The following INPP4B variants were observed in gnomAD, a reference collection of about 807,000 sequenced individuals.
INPP4B encodes the protein inositol polyphosphate-4-phosphatase type II B, also known as inositol polyphosphate 4-phosphatase type II.
Under a neutral mutation model 122.5 loss-of-function variants are expected in INPP4B, and 55 were observed. That is an observed-to-expected ratio of 0.45 (90% CI 0.36 to 0.56). The LOEUF (loss-of-function observed/expected upper bound fraction) is 0.56, where lower values mean the gene tolerates loss of function less well. INPP4B is among the 20% of genes least tolerant of loss of function. INPP4B has a pLI of 0.00. For missense variants in INPP4B, 1,000 were observed against 1,097.7 expected (o/e 0.91, Z 1.26); for synonymous variants, 403 against 388.7 (o/e 1.04, Z -0.43).
intron 21 of INPP4B, among the ~76,000 whole-genome samples, chr4:142,119,804 C>T (rs761267046): frequency 0.38 from 18,869 of 50,264 alleles, 1,370 homozygotes; most frequent in East Asian, 0.56. Flanking sequence ...TATACACACA[C>T]ACACACACAC....
intron 23 of INPP4B, among the ~76,000 whole-genome samples, chr4:142,105,454 C>A (rs1193869805): frequency 6.6e-6 from 1 of 151,956 alleles, no homozygotes; most frequent in African/African-American, 2.4e-5. Flanking sequence ...AAAATTGCTA[C>A]AAATATAACA....
At chr4:142,724,744 A>G (rs573770361) in intron 2 of INPP4B, among the ~76,000 whole-genome samples, 21 of 152,266 alleles carry the variant, frequency 1.4e-4, no homozygotes, top group Admixed American at 6.5e-5. Context: ...AGCCAGAAAT[A>G]TGTAGAAATA....
intron 21 of INPP4B, among the ~76,000 whole-genome samples, chr4:142,116,748 A>T: frequency 6.6e-6 from 1 of 152,302 alleles, no homozygotes; most frequent in East Asian, 1.9e-4. Context: ...CACAATTAAA[A>T]GAACTTGAGA....
intron 23 of INPP4B, among the ~76,000 whole-genome samples, chr4:142,099,184 T>C (rs1232903752): frequency 6.6e-6 from 1 of 152,018 alleles, no homozygotes; most frequent in African/African-American, 2.4e-5. Flanking sequence ...GGTGAAAAAA[T>C]GGGTGGTGAA....
chr4:142,750,054 T>C (rs1769436634), intron 1 of INPP4B, among the ~76,000 whole-genome samples: 1 of 152,152 alleles, frequency 6.6e-6, no homozygotes, highest in African/African-American at 2.4e-5. Flanking sequence ...AAAGTATTTT[T>C]CATCCCATCT....
At chr4:142,380,888 C>T (rs980656002) in intron 7 of INPP4B, among the ~76,000 whole-genome samples, 2 of 151,990 alleles carry the variant, frequency 1.3e-5, no homozygotes, top group African/African-American at 4.8e-5. Context: ...CCCAATCATG[C>T]AATATTTTGT....
intron 9 of INPP4B, among the ~76,000 whole-genome samples, chr4:142,297,114 C>T (rs1759075658): frequency 6.6e-6 from 1 of 152,174 alleles, no homozygotes; most frequent in African/African-American, 2.4e-5. Flanking sequence ...TGATTTCAAC[C>T]TTTTATTGCT....
chr4:142,638,538 T>A (rs1749657948), intron 2 of INPP4B, among the ~76,000 whole-genome samples: 1 of 133,750 alleles, frequency 7.5e-6, no homozygotes, highest in South Asian at 2.5e-4. Flanking sequence ...ATTTTAGTTG[T>A]CTATTCTCTT....
intron 25 of INPP4B, chr4:142,029,738 T>A (rs1259646328): frequency 1.0e-5 from 10 of 991,968 alleles, no homozygotes; most frequent in Non-Finnish European, 3.6e-6. Flanking sequence ...GTCTGCAACC[T>A]CCCACATCTC....
chr4:142,464,282 T>C (rs1182082265), intron 2 of INPP4B, among the ~76,000 whole-genome samples: 1 of 152,154 alleles, frequency 6.6e-6, no homozygotes. Context: ...TCAGTTACTA[T>C]CTTTTATAAA....
At chr4:142,215,616 TG>T (rs1399958198) in intron 12 of INPP4B, among the ~76,000 whole-genome samples, 2 of 152,070 alleles carry the variant, frequency 1.3e-5, no homozygotes, top group African/African-American at 4.8e-5. Context: ...AGTCTCTGCA[TG>T]TTGCTTCATT....
At chr4:142,826,256 G>A (rs1781445001) in intron 1 of INPP4B, among the ~76,000 whole-genome samples, 1 of 152,098 alleles carries the variant, frequency 6.6e-6, no homozygotes, top group South Asian at 2.1e-4. Context: ...GGCTGCACAA[G>A]AGAATGAGGC....
intron 23 of INPP4B, among the ~76,000 whole-genome samples, chr4:142,101,615 G>T (rs1213363164): frequency 6.6e-6 from 1 of 152,082 alleles, no homozygotes; most frequent in African/African-American, 2.4e-5. Context: ...GTTTGTTAAA[G>T]AAGTCTGCCA....
At chr4:142,311,879 T>G (rs990614628) in intron 8 of INPP4B, among the ~76,000 whole-genome samples, 1 of 152,174 alleles carries the variant, frequency 6.6e-6, no homozygotes, top group African/African-American at 2.4e-5. Flanking sequence ...CATGGCCAGT[T>G]TGTGCAATTC....
At chr4:142,194,660 C>G (rs1474877823) in intron 14 of INPP4B, among the ~76,000 whole-genome samples, 1 of 152,160 alleles carries the variant, frequency 6.6e-6, no homozygotes, top group Non-Finnish European at 1.5e-5. Flanking sequence ...AAGGATTTTA[C>G]ACTCAGGGAC....
chr4:142,507,300 A>G (rs1476212971), intron 2 of INPP4B, among the ~76,000 whole-genome samples: 6 of 152,134 alleles, frequency 3.9e-5, no homozygotes, highest in African/African-American at 1.4e-4. Flanking sequence ...AGCTCATTAA[A>G]TTGCCATGGA....
At chr4:142,768,543 C>T (rs1040166514) in intron 1 of INPP4B, among the ~76,000 whole-genome samples, 2 of 152,162 alleles carry the variant, frequency 1.3e-5, no homozygotes, top group African/African-American at 4.8e-5. Context: ...AGTTAAGTCA[C>T]AATGACACAA....
chr4:142,245,806 GTGTATGTATACATATA>G (rs1561597630), intron 11 of INPP4B, among the ~76,000 whole-genome samples: 33 of 135,140 alleles, frequency 2.4e-4, no homozygotes, highest in East Asian at 6.5e-4. Flanking sequence ...ACATATATAT[GTGTATGTATACATATA>G]TGTGTATGTA....
Position 142,694,207 on chromosome 4 carries a change from T to A in INPP4B, c.-191+31632A>T, listed in dbSNP as rs1225003834. ...GGCCAACATGGTGAAACCCCGTCTGTACTAAAAATACAAAAATTAGTCAGG... is the reference window on the plus strand; with the variant it reads ...GGCCAACATGGTGAAACCCCGTCTGAACTAAAAATACAAAAATTAGTCAGG... On this transcript the variant is annotated intron_variant, in intron 2 of 25. Coordinates refer to ENST00000262992, the MANE Select transcript of INPP4B (RefSeq NM_001101669.3). Among the ~76,000 whole-genome samples, 3 of 151,904 alleles carry A rather than the reference T, an allele frequency of 2.0e-5. No homozygotes were observed. The East Asian group carries it at 5.8e-4, about 29-fold the overall frequency.
Sources: gnomAD v4.1 joint callset for allele counts (sites outside exome capture counted in the v4.1 genomes callset) on GRCh38, gnomAD v4.1.1 for gene constraint, MANE v1.5 for transcripts, NCBI Gene and HGNC (gene_info 2026-07-23, HGNC 2026-07-21) for gene names.